The following DLG2 variants were observed in gnomAD, a reference collection of about 807,000 sequenced individuals.
DLG2 encodes the protein disks large homolog 2.
Under a neutral mutation model 132.5 loss-of-function variants are expected in DLG2, and 45 were observed. That is an observed-to-expected ratio of 0.34 (90% CI 0.27 to 0.44). The LOEUF is 0.44. Ranked by LOEUF, DLG2 falls within the 20% of genes least tolerant of loss-of-function variation. The probability of loss-of-function intolerance (pLI) is 1.00; values close to 1 mark genes in which losing one functional copy is unlikely to be tolerated. For synonymous variants in DLG2, 424 were observed against 419.6 expected (o/e 1.01, Z -0.13); for missense variants, 1,045 against 1,196.9 (o/e 0.87, Z 1.87).
intron 3 of DLG2, among the ~76,000 whole-genome samples, chr11:85,501,279 C>A (rs530516860): frequency 6.6e-6 from 1 of 151,882 alleles, no homozygotes; most frequent in African/African-American, 2.4e-5. Context: ...CAACATGGAC[C>A]AAAGACTTAA....
chr11:83,628,533 A>T (rs1360600112), intron 19 of DLG2, among the ~76,000 whole-genome samples: 1 of 152,152 alleles, frequency 6.6e-6, no homozygotes, highest in Non-Finnish European at 1.5e-5. Flanking sequence ...TTCATCTATA[A>T]AATGGAGGCA....
chr11:85,093,966 G>T (rs1361393357), intron 6 of DLG2, among the ~76,000 whole-genome samples: 1 of 152,124 alleles, frequency 6.6e-6, no homozygotes, highest in Non-Finnish European at 1.5e-5. Flanking sequence ...TATAATAATA[G>T]TTCTGCCACC....
intron 3 of DLG2, among the ~76,000 whole-genome samples, chr11:85,491,840 A>T (rs73505532): frequency 0.034 from 5,188 of 152,134 alleles, 281 homozygotes; most frequent in African/African-American, 0.12. Flanking sequence ...ATCTATAGAG[A>T]CAATGCAATC....
At chr11:83,488,578 A>T (rs1049404364) in intron 21 of DLG2, among the ~76,000 whole-genome samples, 3 of 151,988 alleles carry the variant, frequency 2.0e-5, no homozygotes, top group African/African-American at 7.2e-5. Flanking sequence ...AAAACTAGGG[A>T]CATGTTTTAC....
intron 6 of DLG2, among the ~76,000 whole-genome samples, chr11:84,661,187 A>G (rs1424721025): frequency 2.6e-5 from 4 of 152,176 alleles, no homozygotes; most frequent in Non-Finnish European, 5.9e-5. Flanking sequence ...ATGCCTTTGC[A>G]GGTAGTTTTG....
intron 15 of DLG2, among the ~76,000 whole-genome samples, chr11:83,912,428 A>G (rs979689908): frequency 9.9e-5 from 15 of 152,074 alleles, no homozygotes; most frequent in Non-Finnish European, 1.8e-4. Context: ...GTGTCTACCA[A>G]ATGTTGTGCA....
intron 6 of DLG2, among the ~76,000 whole-genome samples, chr11:84,538,503 TAC>T (rs1007112347): frequency 1.8e-4 from 28 of 152,310 alleles, no homozygotes; most frequent in African/African-American, 6.3e-4. Context: ...TGATGTGAAT[TAC>T]ACTACAAAGT....
intron 11 of DLG2, among the ~76,000 whole-genome samples, chr11:84,028,163 CTT>C (rs982067892): frequency 2.6e-5 from 4 of 151,940 alleles, no homozygotes; most frequent in African/African-American, 9.7e-5. Flanking sequence ...AAAAATCTCT[CTT>C]CATTTCAAAT....
chr11:84,714,595 T>TTCTCTTTCTCTTTCTCTTTCTCTTTC lies in DLG2; in HGVS notation c.358-179865_358-179864insGAAAGAGAAAGAGAAAGAGAAAGAGA, dbSNP rs1351118874. Among the ~76,000 whole-genome samples the TTCTCTTTCTCTTTCTCTTTCTCTTTC allele has an allele frequency of 4.2e-4, 44 of 103,920 alleles. 2 individuals carry two copies. Among genetic ancestry groups the TTCTCTTTCTCTTTCTCTTTCTCTTTC allele is most frequent in the African/African-American group, 1.7e-3 (41 of 24,700 alleles). The allele number at this position is 103,920 out of a possible 152,430, so 68.2% of individuals were successfully genotyped here. A position where few individuals can be genotyped will look rare whatever the true frequency, so the allele number is the denominator to read the frequency against. On this transcript the variant is annotated intron_variant, in intron 6 of 27. Transcript: ENST00000376104. Reference sequence around the variant, plus strand: ...TTTCTCTTTCTCTTTCTCTTTCTCTTTCTTTCTCTTTCTCTTTCTCTTTCT... The same window carrying TTCTCTTTCTCTTTCTCTTTCTCTTTC: ...TTTCTCTTTCTCTTTCTCTTTCTCTTTCTCTTTCTCTTTCTCTTTCTCTTTCTCTTTCTCTTTCTCTTTCTCTTTCT...
At chr11:84,829,895 A>G (rs1309811617) in intron 6 of DLG2, among the ~76,000 whole-genome samples, 1 of 151,730 alleles carries the variant, frequency 6.6e-6, no homozygotes, top group Non-Finnish European at 1.5e-5. Flanking sequence ...TCAGGTCTAC[A>G]TTAAGAATGT....
intron 19 of DLG2, among the ~76,000 whole-genome samples, chr11:83,597,080 A>G (rs572387952): frequency 2.2e-4 from 34 of 152,318 alleles, no homozygotes; most frequent in East Asian, 7.7e-4. Flanking sequence ...AACTGGGGTT[A>G]GTTCCAGTTC....
intron 7 of DLG2, among the ~76,000 whole-genome samples, chr11:84,510,762 A>G (rs760989624): frequency 6.6e-6 from 1 of 152,196 alleles, no homozygotes. Context: ...ATGGCCTTAC[A>G]TAATGGGAAT....
At chr11:84,649,606 G>A (rs531177965) in intron 6 of DLG2, among the ~76,000 whole-genome samples, 2 of 152,288 alleles carry the variant, frequency 1.3e-5, no homozygotes, top group East Asian at 3.9e-4. Context: ...GAAAATCAAG[G>A]TACTGCATTT....
intron 21 of DLG2, among the ~76,000 whole-genome samples, chr11:83,527,878 C>T (rs1334897694): frequency 6.6e-6 from 1 of 152,128 alleles, no homozygotes; most frequent in Non-Finnish European, 1.5e-5. Flanking sequence ...AACAGCTTGA[C>T]TCTGAAGATT....
chr11:85,153,065 T>G (rs547977067), intron 5 of DLG2, among the ~76,000 whole-genome samples: 155 of 152,310 alleles, frequency 1.0e-3, no homozygotes, highest in African/African-American at 3.5e-3. Context: ...CTTTCATATA[T>G]AACTATCCCA....
intron 15 of DLG2, among the ~76,000 whole-genome samples, chr11:83,914,944 G>A (rs1452753794): frequency 1.3e-5 from 2 of 152,126 alleles, no homozygotes; most frequent in Non-Finnish European, 2.9e-5. Flanking sequence ...TCAGGTGGGT[G>A]TGCAGAGTAG....
At chr11:84,894,658 T>A (rs1385267487) in intron 6 of DLG2, among the ~76,000 whole-genome samples, 4 of 152,050 alleles carry the variant, frequency 2.6e-5, no homozygotes, top group African/African-American at 9.7e-5. Flanking sequence ...AGTAGCCACA[T>A]TGTTGGAAGG....
At chr11:84,502,165 T>C (rs534353160) in intron 7 of DLG2, among the ~76,000 whole-genome samples, 108 of 57,396 alleles carry the variant, frequency 1.9e-3, no homozygotes, top group African/African-American at 2.8e-3. Context: ...TTCCTTTCTC[T>C]CTCTCTCTCT....
At chr11:84,746,822 GC>G (rs1253058559) in intron 6 of DLG2, among the ~76,000 whole-genome samples, 3 of 152,078 alleles carry the variant, frequency 2.0e-5, no homozygotes, top group African/African-American at 7.2e-5. Flanking sequence ...TTTTGCCCTG[GC>G]CTTCCTCTGC....
Sources: allele counts gnomAD v4.1 joint callset (sites outside exome capture counted in the v4.1 genomes callset), GRCh38; gene constraint gnomAD v4.1.1; transcripts MANE v1.5; gene names NCBI Gene and HGNC (gene_info 2026-07-23, HGNC 2026-07-21).